Variants in RPSA2 observed in about 807,000 individuals in gnomAD.
RPSA2 encodes the protein small ribosomal subunit protein uS2B.
the RPSA2 span, among the ~76,000 whole-genome samples, chr19:23,848,243 C>A: frequency 6.6e-6 from 1 of 152,188 alleles, no homozygotes; most frequent in Non-Finnish European, 1.5e-5. Context: ...TGCCGTGGCT[C>A]CAGCCGGTCC....
chr19:23,870,792 G>A, the RPSA2 span, among the ~76,000 whole-genome samples: 1 of 152,158 alleles, frequency 6.6e-6, no homozygotes, highest in African/African-American at 2.4e-5. Context: ...AAACAGAAAG[G>A]GAGAGATGTT....
At chr19:23,837,962 A>G in the RPSA2 span, among the ~76,000 whole-genome samples, 1 of 152,126 alleles carries the variant, frequency 6.6e-6, no homozygotes, top group Non-Finnish European at 1.5e-5. Flanking sequence ...TGCTCTGGCT[A>G]TGATTTCCAG....
At chr19:23,856,168 T>C in the RPSA2 span, among the ~76,000 whole-genome samples, 8 of 151,874 alleles carry the variant, frequency 5.3e-5, no homozygotes, top group South Asian at 4.2e-4. Context: ...ATTCAGAAAA[T>C]TGTGGTAACT....
chr19:23,817,387 TA>T, the RPSA2 span, among the ~76,000 whole-genome samples: 3 of 152,142 alleles, frequency 2.0e-5, no homozygotes, highest in Non-Finnish European at 2.9e-5. Context: ...CATCTCAAAA[TA>T]AAATAAATAA....
At chr19:23,778,601 C>T in the RPSA2 span, among the ~76,000 whole-genome samples, 1 of 152,096 alleles carries the variant, frequency 6.6e-6, no homozygotes, top group African/African-American at 2.4e-5. Context: ...CTTTCCTCTC[C>T]TGCCTGGTCC....
At chr19:23,781,266 G>A in the RPSA2 span, among the ~76,000 whole-genome samples, 17 of 152,142 alleles carry the variant, frequency 1.1e-4, no homozygotes, top group African/African-American at 3.9e-4. Flanking sequence ...ACCGCCATGC[G>A]TGGCCTCGGG....
the RPSA2 span, among the ~76,000 whole-genome samples, chr19:23,870,855 T>C: frequency 1.3e-4 from 20 of 152,154 alleles, no homozygotes; most frequent in Non-Finnish European, 2.6e-4. Context: ...CTGGAAGCTA[T>C]ATGATCAAAG....
the RPSA2 span, chr19:23,758,699 G>A: frequency 6.2e-7 from 1 of 1,614,066 alleles, no homozygotes; most frequent in Non-Finnish European, 8.5e-7. Flanking sequence ...TCTGAGTCCC[G>A]CCACAGCCCC....
the RPSA2 span, among the ~76,000 whole-genome samples, chr19:23,810,944 A>G: frequency 2.0e-4 from 31 of 151,692 alleles, no homozygotes; most frequent in African/African-American, 7.3e-4. Flanking sequence ...ATTATCTTCA[A>G]TATTGGGCTT....
the RPSA2 span, among the ~76,000 whole-genome samples, chr19:23,864,375 A>T: frequency 6.6e-6 from 1 of 152,134 alleles, no homozygotes; most frequent in Non-Finnish European, 1.5e-5. Context: ...ACTTTCATTC[A>T]CTTAATCTCA....
At chr19:23,852,778 C>A in the RPSA2 span, among the ~76,000 whole-genome samples, 5 of 152,190 alleles carry the variant, frequency 3.3e-5, no homozygotes, top group African/African-American at 1.2e-4. Context: ...GGGGGGCTTG[C>A]TCCCAATAGT....
At chr19:23,761,804 GAAATGC>G in the RPSA2 span, among the ~76,000 whole-genome samples, 1 of 151,812 alleles carries the variant, frequency 6.6e-6, no homozygotes, top group East Asian at 1.9e-4. Context: ...AAGTCAAACT[GAAATGC>G]AGCGTAGTCA....
chr19:23,800,873 A>G, the RPSA2 span, among the ~76,000 whole-genome samples: 14,671 of 152,168 alleles, frequency 0.096, 966 homozygotes, highest in South Asian at 0.18. Context: ...TTAGCCCCCA[A>G]AGTGCTGGGA....
the RPSA2 span, among the ~76,000 whole-genome samples, chr19:23,788,131 C>G: frequency 6.6e-6 from 1 of 152,136 alleles, no homozygotes; most frequent in African/African-American, 2.4e-5. Flanking sequence ...TGTACCTGTC[C>G]ACAGTAGGAA....
chr19:23,774,346 C>T, the RPSA2 span, among the ~76,000 whole-genome samples: 1 of 152,204 alleles, frequency 6.6e-6, no homozygotes, highest in African/African-American at 2.4e-5. Context: ...AGTGATGTGA[C>T]TCTCTTCTCC....
At chr19:23,798,374 GGA>G in the RPSA2 span, among the ~76,000 whole-genome samples, 1 of 152,092 alleles carries the variant, frequency 6.6e-6, no homozygotes, top group Non-Finnish European at 1.5e-5. Flanking sequence ...ACTGAACAGT[GGA>G]GTATATTGTC....
the RPSA2 span, chr19:23,833,163 CT>C: frequency 8.4e-6 from 10 of 1,194,400 alleles, no homozygotes; most frequent in South Asian, 3.5e-5. Context: ...GTGCCAATGC[CT>C]TTTCCTGGTC....
chr19:23,840,839 G>A, the RPSA2 span, among the ~76,000 whole-genome samples: 9 of 151,728 alleles, frequency 5.9e-5, no homozygotes, highest in South Asian at 1.9e-3. Flanking sequence ...GCACGTGCCT[G>A]TAATCCCAGC....
the RPSA2 span, among the ~76,000 whole-genome samples, chr19:23,830,896 T>A: frequency 6.6e-6 from 1 of 152,214 alleles, no homozygotes; most frequent in South Asian, 2.1e-4. Flanking sequence ...ATCTTTATAA[T>A]GTTGTTCTGT....
Sources: gnomAD v4.1 joint callset for allele counts (sites outside exome capture counted in the v4.1 genomes callset) on GRCh38, gnomAD v4.1.1 for gene constraint, MANE v1.5 for transcripts, NCBI Gene and HGNC (gene_info 2026-07-23, HGNC 2026-07-21) for gene names.